SLA: variants seen among roughly 807,000 people sequenced by gnomAD.
SLA encodes the protein src-like-adapter.
Under a neutral mutation model 30.3 loss-of-function variants are expected in SLA, and 16 were observed. That is an observed-to-expected ratio of 0.53 (90% CI 0.36 to 0.80). SLA has a LOEUF of 0.80. Among genes scored for constraint, SLA ranks in the 30% least tolerant of loss-of-function variants. The probability of loss-of-function intolerance (pLI) is 0.01; values close to 1 mark genes in which losing one functional copy is unlikely to be tolerated. For synonymous variants in SLA, 143 were observed against 137.8 expected, an observed-to-expected ratio of 1.04 and a Z score of -0.26; for missense variants, 310 against 345.2, an observed-to-expected ratio of 0.90 and a Z score of 0.81.
At chr8:133,048,375 C>G (rs972364697) in intron 5 of SLA, among the ~76,000 whole-genome samples, 3 of 152,152 alleles carry the variant, frequency 2.0e-5, no homozygotes, top group African/African-American at 7.2e-5. Context: ...CATGCACCAC[C>G]ACGTCTGGCA....
At chr8:133,063,573 A>C (rs1049806897) in intron 2 of SLA, 1 of 152,074 alleles carries the variant, frequency 6.6e-6, no homozygotes, top group Admixed American at 6.6e-5. Flanking sequence ...CAGGAAAAGA[A>C]ACGTACCCAG....
chr8:133,079,420 A>G (rs865977433), intron 1 of SLA, among the ~76,000 whole-genome samples: 2 of 152,334 alleles, frequency 1.3e-5, no homozygotes, highest in Middle Eastern at 3.4e-3. Context: ...TCCCCTATGT[A>G]AAAACTAGCT....
At chr8:133,077,234 T>C (rs761514526) in intron 1 of SLA, among the ~76,000 whole-genome samples, 11 of 152,068 alleles carry the variant, frequency 7.2e-5, no homozygotes, top group Non-Finnish European at 1.2e-4. Flanking sequence ...GCCCTAAAGA[T>C]GTTCAAGTCA....
intron 1 of SLA, among the ~76,000 whole-genome samples, chr8:133,083,680 A>AT (rs151284635): frequency 2.0e-5 from 3 of 151,904 alleles, no homozygotes; most frequent in Non-Finnish European, 2.9e-5. Context: ...TGATCTCTCT[A>AT]TTTTTTTTCT....
intron 8 of SLA, among the ~76,000 whole-genome samples, chr8:133,038,963 T>C (rs546708671): frequency 6.6e-5 from 10 of 152,338 alleles, no homozygotes; most frequent in East Asian, 1.9e-4. Flanking sequence ...CTGCAACCTC[T>C]GCCTCCCAGG....
chr8:133,047,646 T>C (rs1371623022), intron 6 of SLA, 184 bp downstream of exon 6: 4 of 610,180 alleles, frequency 6.6e-6, no homozygotes, highest in Non-Finnish European at 1.2e-5. Flanking sequence ...CCACTGCCTG[T>C]CTCTAGTCCC....
At chr8:133,097,890 C>G (rs1456479663) in intron 1 of SLA, among the ~76,000 whole-genome samples, 1 of 152,088 alleles carries the variant, frequency 6.6e-6, no homozygotes, top group Admixed American at 6.6e-5. Context: ...CTGAAGGTTC[C>G]TATCTGGAAG....
At chr8:133,044,920 C>A in intron 7 of SLA, 64 bp downstream of exon 7, 3 of 1,558,710 alleles carry the variant, frequency 1.9e-6, no homozygotes, top group Non-Finnish European at 2.7e-6. Flanking sequence ...ACGGATGGCG[C>A]CACAGAGCAA....
chr8:133,040,189 G>C, intron 7 of SLA, 59 bp from the exon 8 acceptor site: 2 of 1,541,514 alleles, frequency 1.3e-6, no homozygotes, highest in Non-Finnish European at 1.8e-6. Flanking sequence ...CCAGTGTGGG[G>C]TTCAGGCCTG....
chr8:133,102,415 A>C (rs1271317978), intron 1 of SLA, 138 bp downstream of exon 1: 11 of 705,866 alleles, frequency 1.6e-5, no homozygotes, highest in Admixed American at 1.0e-4. Flanking sequence ...GCAGAGACCC[A>C]CCCATTTTCT....
At chr8:133,085,044 C>T (rs568127033) in intron 1 of SLA, among the ~76,000 whole-genome samples, 62 of 152,346 alleles carry the variant, frequency 4.1e-4, no homozygotes, top group African/African-American at 1.4e-3. Context: ...TGAGCACAAA[C>T]TGAGAACAGC....
intron 7 of SLA, 87 bp from the exon 8 acceptor site, chr8:133,040,217 GCTC>G: frequency 7.1e-7 from 1 of 1,412,938 alleles, no homozygotes; most frequent in Non-Finnish European, 9.6e-7. Flanking sequence ...CTCCAGTGCA[GCTC>G]CCTGGCTGCT....
At chr8:133,065,807 A>G (rs1053990436) in intron 2 of SLA, among the ~76,000 whole-genome samples, 1 of 152,066 alleles carries the variant, frequency 6.6e-6, no homozygotes, top group Non-Finnish European at 1.5e-5. Flanking sequence ...AAAAAAGTAA[A>G]ATAAAAGTCA....
intron 5 of SLA, chr8:133,049,558 G>A (rs778508436): frequency 2.9e-5 from 9 of 307,736 alleles, no homozygotes; most frequent in Non-Finnish European, 4.4e-5. Context: ...AAGTGACAGA[G>A]GCAGGATTTG....
chr8:133,080,433 T>C (rs1355166555), intron 1 of SLA, among the ~76,000 whole-genome samples: 3 of 152,018 alleles, frequency 2.0e-5, no homozygotes, highest in Admixed American at 2.0e-4. Context: ...AAGTAGGAAA[T>C]TTGCTGTCAC....
At chr8:133,096,596 C>T (rs1026921042) in intron 1 of SLA, among the ~76,000 whole-genome samples, 5 of 152,156 alleles carry the variant, frequency 3.3e-5, no homozygotes, top group Admixed American at 2.6e-4. Flanking sequence ...GTGAATGAAT[C>T]GCTGTGGAAA....
intron 1 of SLA, among the ~76,000 whole-genome samples, chr8:133,083,565 G>A (rs569269724): frequency 6.6e-6 from 1 of 152,198 alleles, no homozygotes; most frequent in East Asian, 1.9e-4. Context: ...TTGAAACATA[G>A]CACATACCCA....
chr8:133,055,436 C>G (rs534513570), intron 3 of SLA, among the ~76,000 whole-genome samples: 1 of 152,000 alleles, frequency 6.6e-6, no homozygotes, highest in Admixed American at 6.6e-5. Flanking sequence ...ACCAATCACA[C>G]AGAGCTGGAC....
At position 133,053,821 on chromosome 8, in the gene SLA, CT is replaced by C. The variant is rs371010929; in HGVS notation, c.62-2907del. On this transcript the variant is annotated intron_variant, in intron 3 of 8. Transcript: ENST00000338087. ...TTTCACAATAACAAAGTTAAGTTTCCTGTGGAATTTCCGTAATAGTGATGTT... is the reference window on the plus strand; with the variant it reads ...TTTCACAATAACAAAGTTAAGTTTCCGTGGAATTTCCGTAATAGTGATGTT... 2.1e-3 allele frequency among the ~76,000 whole-genome samples: 326 copies of C among 152,232 alleles called. 1 individual carries two copies. Among genetic ancestry groups the C allele is most frequent in the African/African-American group, 7.6e-3 (314 of 41,544 alleles).
Sources: allele counts gnomAD v4.1 joint callset (sites outside exome capture counted in the v4.1 genomes callset), GRCh38; gene constraint gnomAD v4.1.1; transcripts MANE v1.5; gene names NCBI Gene and HGNC (gene_info 2026-07-23, HGNC 2026-07-21).